Variants in NAA11 observed in about 807,000 individuals in gnomAD.
NAA11 encodes the protein N-alpha-acetyltransferase 11.
In NAA11, 15 loss-of-function variants were observed where a neutral mutation model predicts 16.1. The observed-to-expected ratio is 0.93, with a 90% CI of 0.62 to 1.44. NAA11 has a LOEUF of 1.44. NAA11 is among the 40% of genes most tolerant of loss of function. The pLI, the probability that NAA11 is intolerant of heterozygous loss-of-function variation, is 0.00. For synonymous variants in NAA11, 122 were observed against 112.4 expected (o/e 1.09, Z -0.54); for missense variants, 298 against 291.3 (o/e 1.02, Z -0.17).
At chr4:79,223,947 T>C (rs1017559359), downstream of NAA11, among the ~76,000 whole-genome samples, 16 of 152,142 alleles carry the variant, frequency 1.1e-4, no homozygotes, top group Non-Finnish European at 1.9e-4. Context: ...CTCACTATAT[T>C]TCTCTCAACT....
chr4:79,165,806 C>G, the NAA11 span, among the ~76,000 whole-genome samples: 1 of 152,116 alleles, frequency 6.6e-6, no homozygotes, highest in African/African-American at 2.4e-5. Context: ...ATTGACTTGG[C>G]TGTGATTTTA....
At chr4:79,266,470 G>T (rs944488831) in intron 2 of NAA11, among the ~76,000 whole-genome samples, 1 of 152,190 alleles carries the variant, frequency 6.6e-6, no homozygotes, top group Admixed American at 6.5e-5. Flanking sequence ...CACAGTGATT[G>T]TTCAGGTTTT....
chr4:79,282,958 A>C (rs1722829064), intron 2 of NAA11, among the ~76,000 whole-genome samples: 1 of 152,130 alleles, frequency 6.6e-6, no homozygotes, highest in African/African-American at 2.4e-5. Context: ...GTAAGGATGG[A>C]GGAAGTAGAG....
At chr4:79,218,010 G>C in the NAA11 span, among the ~76,000 whole-genome samples, 1 of 152,134 alleles carries the variant, frequency 6.6e-6, no homozygotes, top group Non-Finnish European at 1.5e-5. Context: ...AATGACTTTA[G>C]AGGGAGGTAA....
intron 1 of NAA11, among the ~76,000 whole-genome samples, chr4:79,303,043 C>T (rs1723437945): frequency 7.2e-6 from 1 of 137,948 alleles, no homozygotes; most frequent in Non-Finnish European, 1.5e-5. Context: ...TTTGTGCATC[C>T]TTCCCTTTTC....
chr4:79,319,793 A>C (rs1240893377), intron 1 of NAA11, among the ~76,000 whole-genome samples: 1 of 152,210 alleles, frequency 6.6e-6, no homozygotes, highest in Non-Finnish European at 1.5e-5. Context: ...TATCTGGGGT[A>C]AGGTTATACT....
intron 2 of NAA11, among the ~76,000 whole-genome samples, chr4:79,247,203 C>T (rs1578161109): frequency 6.6e-6 from 1 of 152,130 alleles, no homozygotes; most frequent in African/African-American, 2.4e-5. Context: ...GATAGCTTGA[C>T]TTTATAGGTC....
At chr4:79,181,036 C>T in the NAA11 span, among the ~76,000 whole-genome samples, 1 of 151,846 alleles carries the variant, frequency 6.6e-6, no homozygotes, top group African/African-American at 2.4e-5. Context: ...ACAATGAGAA[C>T]ACTTGGCCAC....
intron 2 of NAA11, among the ~76,000 whole-genome samples, chr4:79,268,588 A>G (rs565007930): frequency 3.3e-5 from 5 of 152,260 alleles, no homozygotes; most frequent in African/African-American, 1.2e-4. Context: ...AGAAGTGACT[A>G]TGTATCTTGG....
At chr4:79,180,223 G>GA in the NAA11 span, among the ~76,000 whole-genome samples, 2 of 151,914 alleles carry the variant, frequency 1.3e-5, no homozygotes, top group Non-Finnish European at 2.9e-5. Flanking sequence ...TCAAATGGAG[G>GA]AAAAAAATCA....
At chr4:79,244,776 C>G (rs1033973281) in intron 2 of NAA11, 1 of 152,938 alleles carries the variant, frequency 6.5e-6, no homozygotes, top group Admixed American at 6.6e-5. Context: ...TGCAGGCGCC[C>G]ACCGCCACGC....
chr4:79,204,639 G>T, the NAA11 span, among the ~76,000 whole-genome samples: 17 of 150,962 alleles, frequency 1.1e-4, no homozygotes, highest in Admixed American at 1.1e-3. Flanking sequence ...GTGAAGTCTG[G>T]GCTTTTAGTG....
intron 2 of NAA11, among the ~76,000 whole-genome samples, chr4:79,263,672 TTCTC>T (rs1412118927): frequency 6.6e-6 from 1 of 152,164 alleles, no homozygotes. Context: ...CTCTGTCATA[TTCTC>T]TCTGACTCTG....
intron 2 of NAA11, among the ~76,000 whole-genome samples, chr4:79,274,609 C>T (rs570088523): frequency 7.2e-5 from 11 of 152,138 alleles, no homozygotes; most frequent in Admixed American, 2.0e-4. Context: ...ACTTTATTCT[C>T]GCATCTTAGC....
At chr4:79,175,159 C>G in the NAA11 span, among the ~76,000 whole-genome samples, 1 of 152,010 alleles carries the variant, frequency 6.6e-6, no homozygotes, top group African/African-American at 2.4e-5. Context: ...TCCTAAATAC[C>G]CCATACAAAA....
At chr4:79,196,254 G>T in the NAA11 span, among the ~76,000 whole-genome samples, 1 of 151,792 alleles carries the variant, frequency 6.6e-6, no homozygotes, top group Non-Finnish European at 1.5e-5. Flanking sequence ...TTACTGCAGG[G>T]GTGTATAAGC....
the NAA11 span, among the ~76,000 whole-genome samples, chr4:79,189,155 A>AAAAAAAAAAAAAAAAAAC: frequency 6.8e-6 from 1 of 146,826 alleles, no homozygotes; most frequent in East Asian, 2.0e-4. Context: ...CAAAAAAAAA[A>AAAAAAAAAAAAAAAAAAC]AAAAAAAAAC....
chr4:79,301,931 C>A (rs569304815), intron 1 of NAA11, among the ~76,000 whole-genome samples: 3 of 152,274 alleles, frequency 2.0e-5, no homozygotes, highest in Non-Finnish European at 4.4e-5. Flanking sequence ...TCTTCTATTT[C>A]TTTTAAAAAT....
chr4:79,186,502 G>C, the NAA11 span, among the ~76,000 whole-genome samples: 4 of 152,124 alleles, frequency 2.6e-5, no homozygotes, highest in Non-Finnish European at 5.9e-5. Flanking sequence ...GTGGACAGGG[G>C]CATCATTGTC....
Sources: gnomAD v4.1 joint callset for allele counts (sites outside exome capture counted in the v4.1 genomes callset) on GRCh38, gnomAD v4.1.1 for gene constraint, MANE v1.5 for transcripts, NCBI Gene and HGNC (gene_info 2026-07-23, HGNC 2026-07-21) for gene names.